The following CHD1 variants were observed in gnomAD, a reference collection of about 807,000 sequenced individuals.
CHD1 encodes the protein chromodomain helicase DNA binding protein 1.
A neutral mutation model predicts 224.2 loss-of-function variants in CHD1; 36 were observed. The ratio of observed to expected loss-of-function variants is 0.16; its 90% CI spans 0.12 to 0.21. The LOEUF (loss-of-function observed/expected upper bound fraction) is 0.21. CHD1 is among the 10% of genes least tolerant of loss of function. The probability of loss-of-function intolerance (pLI) is 1.00; values close to 1 mark genes in which losing one functional copy is unlikely to be tolerated. For synonymous variants in CHD1, 668 were observed against 658.3 expected (o/e 1.01, Z -0.23); for missense variants, 1,378 against 1,994.8 (o/e 0.69, Z 5.89).
intron 1 of CHD1, among the ~76,000 whole-genome samples, chr5:98,928,240 C>T (rs929065493): frequency 1.3e-5 from 2 of 151,998 alleles, no homozygotes; most frequent in Admixed American, 6.5e-5. Flanking sequence ...ACCCACGCAC[C>T]GGCTAAGTGC....
intron 31 of CHD1, among the ~76,000 whole-genome samples, chr5:98,867,463 T>C (rs1249368753): frequency 6.6e-6 from 1 of 152,182 alleles, no homozygotes; most frequent in Non-Finnish European, 1.5e-5. Flanking sequence ...TAGTGAAACA[T>C]TTCATTCTTC....
chr5:98,914,433 T>A (rs754493488), intron 2 of CHD1, among the ~76,000 whole-genome samples: 1 of 152,192 alleles, frequency 6.6e-6, no homozygotes, highest in Admixed American at 6.5e-5. Flanking sequence ...ACAGGTTTTA[T>A]ACATACACAA....
Position 98,901,192 on chromosome 5 carries a change from T to C in CHD1, c.581A>G (p.Gln194Arg), listed in dbSNP as rs755546936. 1.2e-6 allele frequency: 2 copies of C among 1,611,372 alleles called. No individual in the cohort carries two copies. The highest frequency in any genetic ancestry group is 2.2e-5 in the South Asian group (2 of 90,276). ...CACCAAACTGAGACCATACCTATTT[T>C]GAGGTTTTCTGCTTTTGACTTTGTT... Reference protein sequence around the residue: ...PKNKVKSRKPQNRSKSKNGKK... With the variant: ...PKNKVKSRKPRNRSKSKNGKK... Residue 194 changes from glutamine to arginine, a missense_variant, in exon 6 of 36, where the codon CAA (glutamine) becomes CGA (arginine). Transcript: ENST00000614616.
intron 1 of CHD1, among the ~76,000 whole-genome samples, chr5:98,927,630 A>G (rs1187252420): frequency 1.3e-5 from 2 of 152,220 alleles, no homozygotes; most frequent in African/African-American, 4.8e-5. Flanking sequence ...CTAATGTTAA[A>G]TATTAATCTC....
At chr5:98,873,149 A>G (rs529569690) in intron 26 of CHD1, among the ~76,000 whole-genome samples, 1 of 152,154 alleles carries the variant, frequency 6.6e-6, no homozygotes, top group Non-Finnish European at 1.5e-5. Flanking sequence ...TTTTATCTAA[A>G]TAATTTTTAT....
chr5:98,886,297 G>C (rs1175987987), intron 17 of CHD1: 1 of 152,202 alleles, frequency 6.6e-6, no homozygotes, highest in African/African-American at 2.4e-5. Context: ...TCTTGAGCAA[G>C]TGATTTGACT....
At chr5:98,899,456 G>A in intron 8 of CHD1, 24 bp downstream of exon 8, 1 of 1,356,036 alleles carries the variant, frequency 7.4e-7, no homozygotes, top group Non-Finnish European at 1.1e-6. Flanking sequence ...ATTAAAAGAA[G>A]TATATGATAT....
chr5:98,898,201 T>C, intron 10 of CHD1, 55 bp downstream of exon 10: 3 of 979,840 alleles, frequency 3.1e-6, no homozygotes, highest in Non-Finnish European at 4.1e-6. Context: ...GGCTTGTAAA[T>C]ATTTATAATG....
chr5:98,901,131 CA>C, intron 6 of CHD1, 49 bp from the exon 7 acceptor site: 1 of 1,574,068 alleles, frequency 6.4e-7, no homozygotes, highest in Non-Finnish European at 8.6e-7. Context: ...AAACTATATA[CA>C]AAAAGAACAA....
chr5:98,901,082 T>C lies in CHD1; in HGVS notation c.588A>G (p.Arg196=), dbSNP rs538915666. The C allele has an allele frequency of 1.9e-6, 3 of 1,584,714 alleles. No individual in the cohort carries two copies. The highest frequency in any genetic ancestry group is 1.7e-6 in the Non-Finnish European group (2 of 1,169,990). The change falls in exon 7 of 36, where the codon AGA becomes AGG. Residue 196 remains arginine (R), a splice_region_variant and synonymous_variant. Coordinates refer to ENST00000614616, the MANE Select transcript of CHD1 (RefSeq NM_001270.4). ...NKVKSRKPQN[R]SKSKNGKKIL... ...TCTTCTTTCCATTTTTTGACTTAGA[T>C]CTAGGAAAGTGCAAAGAGAAAAAAA...
chr5:98,916,547 A>G (rs1752749169), intron 2 of CHD1, among the ~76,000 whole-genome samples: 1 of 128,432 alleles, frequency 7.8e-6, no homozygotes, highest in Non-Finnish European at 1.6e-5. Context: ...CTCCGTCTCA[A>G]AAAAAAAAAA....
intron 2 of CHD1, among the ~76,000 whole-genome samples, chr5:98,917,682 C>T (rs1752825765): frequency 6.6e-6 from 1 of 152,216 alleles, no homozygotes; most frequent in African/African-American, 2.4e-5. Context: ...ACTGTAGACA[C>T]TGAATTCCAG....
rs565669249 is a variant in CHD1, at chr5:98,909,040, T to C, written c.54-3942A>G. Among the ~76,000 whole-genome samples the C allele has an allele frequency of 3.1e-4, 47 of 152,296 alleles. No individual in the cohort carries two copies. In the South Asian group the frequency reaches 4.6e-3, roughly 15 times the overall value. Reference sequence around the variant, plus strand: ...ATGAATCTATCACCCAGCTCCACAATTAGCAACTCATACCAATCTTGATTC... The same window carrying C: ...ATGAATCTATCACCCAGCTCCACAACTAGCAACTCATACCAATCTTGATTC... On this transcript the variant is annotated intron_variant, in intron 2 of 35. Coordinates refer to ENST00000614616, the MANE Select transcript of CHD1 (RefSeq NM_001270.4).
At chr5:98,882,986 G>T in intron 19 of CHD1, 102 bp downstream of exon 19, 2 of 762,254 alleles carry the variant, frequency 2.6e-6, no homozygotes, top group African/African-American at 1.8e-5. Context: ...TAGTATGACT[G>T]TTACAGTGAT....
At chr5:98,923,714 CA>C (rs1753260453) in intron 2 of CHD1, among the ~76,000 whole-genome samples, 1 of 152,152 alleles carries the variant, frequency 6.6e-6, no homozygotes, top group Non-Finnish European at 1.5e-5. Flanking sequence ...CACCCGGCCA[CA>C]AGGTTTAATT....
intron 2 of CHD1, among the ~76,000 whole-genome samples, chr5:98,912,171 T>C (rs796834551): frequency 1.8e-4 from 28 of 152,196 alleles, no homozygotes; most frequent in African/African-American, 6.3e-4. Flanking sequence ...TCTTTGCAGG[T>C]AGTGAAAATG....
In CHD1 at chr5:98,928,341, T is replaced by A. The variant is rs544593299; in HGVS notation, c.-149+198A>T. Among the ~76,000 whole-genome samples the A allele has an allele frequency of 8.5e-5, 13 of 152,146 alleles. No individual in the cohort carries two copies. The South Asian group carries it at 2.7e-3, about 32-fold the overall frequency. Reference sequence around the variant, plus strand: ...GCCGGGCCGGCGCAAGGATGCGTTCTGCGGCCCCGGCCTGTACTCGCCGCT... The same window carrying A: ...GCCGGGCCGGCGCAAGGATGCGTTCAGCGGCCCCGGCCTGTACTCGCCGCT... On this transcript the variant is annotated intron_variant, in intron 1 of 35. Transcript: ENST00000614616.
chr5:98,859,961 G>A lies in CHD1; in HGVS notation c.4524+11C>T. Reference sequence around the variant, plus strand: ...TATAAATTCAGGGAAAAAATATGATGTCAAGTTTACCTGAGACTCCTGCCG... The same window carrying A: ...TATAAATTCAGGGAAAAAATATGATATCAAGTTTACCTGAGACTCCTGCCG... On this transcript the variant is annotated intron_variant, in intron 33 of 35. Coordinates refer to ENST00000614616, the MANE Select transcript of CHD1 (RefSeq NM_001270.4). 1 of 1,368,114 alleles carries A rather than the reference G, an allele frequency of 7.3e-7. No homozygotes were observed. Among genetic ancestry groups the A allele is most frequent in the East Asian group, 2.3e-5 (1 of 42,930 alleles). 84.7% of individuals were successfully genotyped at this position (1,368,114 alleles called of 1,614,324 possible).
rs763519410 is a variant in CHD1 at position 98,901,349 on chromosome 5, T to TTA, written c.438-16_438-15dup. The stretch of plus-strand genomic sequence containing the variant: ...TGCCAATCTTCACTGCAGACAAAAT[T>TTA]TATAAAGTATTTTTATTTGTACTTA... On this transcript the variant is annotated splice_polypyrimidine_tract_variant and intron_variant, in intron 5 of 35. Coordinates refer to ENST00000614616, the MANE Select transcript of CHD1 (RefSeq NM_001270.4). The TTA allele has an allele frequency of 2.5e-5, 40 of 1,589,396 alleles. No individual in the cohort carries two copies. The highest frequency in any genetic ancestry group is 3.3e-5 in the Non-Finnish European group (39 of 1,172,472).
Sources: allele counts gnomAD v4.1 joint callset (sites outside exome capture counted in the v4.1 genomes callset), GRCh38; gene constraint gnomAD v4.1.1; transcripts MANE v1.5; gene names NCBI Gene and HGNC (gene_info 2026-07-23, HGNC 2026-07-21).